The following WDR7 variants were observed in gnomAD, a reference collection of about 807,000 sequenced individuals.
WDR7 encodes WD repeat domain 7.
In WDR7, 46 loss-of-function variants were observed where a neutral mutation model predicts 169.4. The ratio of observed to expected loss-of-function variants is 0.27; its 90% CI spans 0.21 to 0.35. The LOEUF is 0.35. Ranked by LOEUF, WDR7 falls within the 10% of genes least tolerant of loss-of-function variation. The pLI, the probability that WDR7 is intolerant of heterozygous loss-of-function variation, is 1.00. For synonymous variants in WDR7, 612 were observed against 666.8 expected, an observed-to-expected ratio of 0.92 and a Z score of 1.27; for missense variants, 1,534 against 1,859.3, an observed-to-expected ratio of 0.83 and a Z score of 3.22.
At chr18:56,686,063 T>A (rs759930302) in intron 6 of WDR7, 31 bp downstream of exon 6, 1 of 1,563,240 alleles carries the variant, frequency 6.4e-7, no homozygotes. Flanking sequence ...GTGATTTCTC[T>A]GTTTTTATTC....
intron 21 of WDR7, among the ~76,000 whole-genome samples, chr18:56,893,253 A>T (rs900772020): frequency 3.3e-5 from 5 of 151,588 alleles, no homozygotes; most frequent in African/African-American, 1.2e-4. Flanking sequence ...CTTGGCCTGT[A>T]GTTTTCTGAC....
At chr18:56,807,774 C>T (rs2044801170) in intron 19 of WDR7, among the ~76,000 whole-genome samples, 2 of 151,654 alleles carry the variant, frequency 1.3e-5, no homozygotes, top group Non-Finnish European at 2.9e-5. Context: ...GTTATTTGAG[C>T]TTGAAGACAT....
At chr18:56,948,413 CA>C (rs1188807579) in intron 25 of WDR7, among the ~76,000 whole-genome samples, 189 of 138,446 alleles carry the variant, frequency 1.4e-3, no homozygotes, top group South Asian at 3.4e-3. Flanking sequence ...TTCACAGATT[CA>C]AAAAAAAAAA....
In WDR7 at chr18:56,758,850, TTC is replaced by T. The variant is rs1300217892; in HGVS notation, c.2760-13_2760-12del. 6.3e-7 allele frequency: 1 copy of T among 1,589,274 alleles called. No individual in the cohort carries two copies. The highest frequency in any genetic ancestry group is 2.2e-5 in the East Asian group (1 of 44,560). ...GTATCAAAATATATCTTGTATTTTT[TTC>T]TTCTTTTTTAAGGCCACCTAGACCA... On this transcript the variant is annotated splice_polypyrimidine_tract_variant and intron_variant, in intron 15 of 27. Transcript: ENST00000254442.
At chr18:56,744,245 GAAAAAAAAAAAAA>G (rs58110613) in intron 14 of WDR7, among the ~76,000 whole-genome samples, 1 of 86,884 alleles carries the variant, frequency 1.2e-5, no homozygotes, top group Non-Finnish European at 2.2e-5. Context: ...TCTCAAAAAA[GAAAAAAAAAAAAA>G]AAAAAAAAAA....
chr18:56,742,276 A>G (rs2043631080), intron 14 of WDR7, among the ~76,000 whole-genome samples: 1 of 152,138 alleles, frequency 6.6e-6, no homozygotes, highest in South Asian at 2.1e-4. Context: ...GGTGGATTAA[A>G]CCCTATGACT....
chr18:56,852,625 T>G (rs535544901), intron 20 of WDR7, among the ~76,000 whole-genome samples: 1 of 152,288 alleles, frequency 6.6e-6, no homozygotes, highest in African/African-American at 2.4e-5. Flanking sequence ...GTCAGAATAC[T>G]CAAACTTTTA....
chr18:57,000,024 C>G (rs1385754528), intron 26 of WDR7, among the ~76,000 whole-genome samples: 1 of 152,094 alleles, frequency 6.6e-6, no homozygotes, highest in East Asian at 1.9e-4. Flanking sequence ...TGCAGCTGGC[C>G]AGCGTACCAC....
At chr18:56,695,766 C>A (rs1312016469) in intron 11 of WDR7, among the ~76,000 whole-genome samples, 1 of 152,130 alleles carries the variant, frequency 6.6e-6, no homozygotes, top group African/African-American at 2.4e-5. Context: ...AACTCCTGAC[C>A]TCAAGTGATC....
chr18:56,973,459 A>T (rs188260428), intron 26 of WDR7, among the ~76,000 whole-genome samples: 22 of 152,294 alleles, frequency 1.4e-4, no homozygotes, highest in Middle Eastern at 3.4e-3. Flanking sequence ...TAAAAAGATA[A>T]ATATAAATGC....
chr18:56,814,436 G>A (rs2044928835), intron 19 of WDR7, among the ~76,000 whole-genome samples: 1 of 151,962 alleles, frequency 6.6e-6, no homozygotes, highest in African/African-American at 2.4e-5. Flanking sequence ...TATCTATTTA[G>A]GAATGTGATG....
chr18:56,866,629 T>C (rs1017171753), intron 20 of WDR7, among the ~76,000 whole-genome samples: 2 of 152,306 alleles, frequency 1.3e-5, no homozygotes, highest in Admixed American at 6.5e-5. Context: ...AAATTATGTT[T>C]CAGAGAAATG....
chr18:56,754,499 A>C (rs1240789855), intron 14 of WDR7, among the ~76,000 whole-genome samples: 5 of 151,498 alleles, frequency 3.3e-5, no homozygotes, highest in South Asian at 4.2e-4. Flanking sequence ...CTTAAGCATT[A>C]AATATGTGAA....
intron 21 of WDR7, among the ~76,000 whole-genome samples, chr18:56,902,830 C>A (rs930317301): frequency 3.3e-5 from 5 of 152,150 alleles, no homozygotes; most frequent in African/African-American, 1.2e-4. Flanking sequence ...TCTTTTACTG[C>A]AGCAGCATAA....
intron 20 of WDR7, among the ~76,000 whole-genome samples, chr18:56,827,187 A>C (rs1268417031): frequency 1.3e-5 from 2 of 152,204 alleles, no homozygotes; most frequent in African/African-American, 4.8e-5. Context: ...CAGAGCAGAC[A>C]GACTGTAAGG....
At chr18:56,906,928 A>C (rs2046486460) in intron 21 of WDR7, among the ~76,000 whole-genome samples, 1 of 152,226 alleles carries the variant, frequency 6.6e-6, no homozygotes, top group South Asian at 2.1e-4. Flanking sequence ...AGAATAGTGA[A>C]CTTCATGCCA....
chr18:56,810,864 A>G (rs953220645), intron 19 of WDR7, among the ~76,000 whole-genome samples: 6 of 152,144 alleles, frequency 3.9e-5, no homozygotes, highest in East Asian at 3.8e-4. Flanking sequence ...GAGTTGTACA[A>G]GCATCTCCAC....
chr18:56,966,507 G>A (rs944385359), intron 26 of WDR7, among the ~76,000 whole-genome samples: 1 of 151,956 alleles, frequency 6.6e-6, no homozygotes, highest in African/African-American at 2.4e-5. Context: ...TAGCTTAATT[G>A]TAAGAATATA....
At chr18:56,947,136 CTG>C (rs920906123) in intron 25 of WDR7, among the ~76,000 whole-genome samples, 9 of 152,172 alleles carry the variant, frequency 5.9e-5, no homozygotes, top group African/African-American at 2.2e-4. Flanking sequence ...TGTTTTATCA[CTG>C]TAACAAATAT....
Sources: gnomAD v4.1 joint callset for allele counts (sites outside exome capture counted in the v4.1 genomes callset) on GRCh38, gnomAD v4.1.1 for gene constraint, MANE v1.5 for transcripts, NCBI Gene and HGNC (gene_info 2026-07-23, HGNC 2026-07-21) for gene names.